Variants in SNAP91 observed in about 807,000 individuals in gnomAD.
SNAP91 encodes the protein synaptosome associated protein 91.
In SNAP91, 27 loss-of-function variants were observed where a neutral mutation model predicts 100.3. The observed-to-expected ratio is 0.27, with a 90% confidence interval of 0.20 to 0.37. SNAP91 has a LOEUF of 0.37. SNAP91 is among the 10% of genes least tolerant of loss of function. SNAP91 has a pLI of 1.00. For missense variants in SNAP91, 986 were observed against 1,123.7 expected, an observed-to-expected ratio of 0.88 and a Z score of 1.75; for synonymous variants, 404 against 398.6, an observed-to-expected ratio of 1.01 and a Z score of -0.16.
chr6:83,670,956 A>G (rs893256175), intron 2 of SNAP91, among the ~76,000 whole-genome samples: 1 of 151,974 alleles, frequency 6.6e-6, no homozygotes, highest in African/African-American at 2.4e-5. Context: ...CAAGTTTATT[A>G]TATTTTGTTC....
intron 2 of SNAP91, among the ~76,000 whole-genome samples, chr6:83,697,129 A>G (rs1318530793): frequency 2.0e-5 from 3 of 152,110 alleles, no homozygotes; most frequent in Non-Finnish European, 4.4e-5. Flanking sequence ...AAATTTTATC[A>G]CGTTAATTAA....
chr6:83,694,375 G>A (rs761221215), intron 2 of SNAP91, among the ~76,000 whole-genome samples: 1 of 152,164 alleles, frequency 6.6e-6, no homozygotes, highest in Non-Finnish European at 1.5e-5. Flanking sequence ...AGCTCTAGAT[G>A]ACAGAATTTC....
intron 2 of SNAP91, among the ~76,000 whole-genome samples, chr6:83,693,044 T>C (rs915528658): frequency 1.3e-5 from 2 of 152,276 alleles, no homozygotes; most frequent in East Asian, 1.9e-4. Flanking sequence ...TACCACCACA[T>C]TGGGCCTGAT....
At chr6:83,589,983 C>T (rs1171640036) in intron 22 of SNAP91, among the ~76,000 whole-genome samples, 2 of 152,174 alleles carry the variant, frequency 1.3e-5, no homozygotes, top group Non-Finnish European at 2.9e-5. Context: ...TCAAGGTCTA[C>T]ATGGCTAGCA....
intron 22 of SNAP91, among the ~76,000 whole-genome samples, 172 bp from the exon 23 acceptor site, chr6:83,582,528 G>A (rs1051610955): frequency 6.6e-6 from 1 of 152,132 alleles, no homozygotes; most frequent in Non-Finnish European, 1.5e-5. Flanking sequence ...ATAATATTTT[G>A]AAATCTGACA....
At chr6:83,704,214 T>C (rs1385390766) in intron 2 of SNAP91, among the ~76,000 whole-genome samples, 1 of 152,036 alleles carries the variant, frequency 6.6e-6, no homozygotes, top group East Asian at 1.9e-4. Context: ...TGCTAGCAAA[T>C]AGGTACAAAA....
chr6:83,666,048 T>G lies in SNAP91; in HGVS notation c.131-467A>C, dbSNP rs139070665. 6.8e-3 allele frequency among the ~76,000 whole-genome samples: 1,028 copies of G among 152,196 alleles called. 5 individuals carry two copies. The highest frequency in any genetic ancestry group is 0.023 in the African/African-American group (973 of 41,560). On this transcript the variant is annotated intron_variant, in intron 2 of 29. Coordinates refer to ENST00000369694, the MANE Select transcript of SNAP91 (RefSeq NM_001242792.2). Reference sequence around the variant, plus strand: ...TTTGCATTTGAACTTTGAAAGGTGCTAGTAAATACACTTGTCATATGAGTG... The same window carrying G: ...TTTGCATTTGAACTTTGAAAGGTGCGAGTAAATACACTTGTCATATGAGTG...
intron 8 of SNAP91, among the ~76,000 whole-genome samples, chr6:83,640,457 A>G (rs2097650416): frequency 6.6e-6 from 1 of 152,170 alleles, no homozygotes; most frequent in Non-Finnish European, 1.5e-5. Flanking sequence ...AAGGACTATA[A>G]TAACAATGTT....
chr6:83,622,664 G>T (rs2096776709), intron 9 of SNAP91, among the ~76,000 whole-genome samples: 1 of 150,992 alleles, frequency 6.6e-6, no homozygotes, highest in Admixed American at 6.6e-5. Flanking sequence ...CTATACCCAT[G>T]AATGACCTTG....
intron 8 of SNAP91, among the ~76,000 whole-genome samples, chr6:83,640,805 T>C (rs573416122): frequency 5.7e-4 from 87 of 152,288 alleles, no homozygotes; most frequent in African/African-American, 2.0e-3. Context: ...TTAGGTGGAA[T>C]GGAGGAATGG....
intron 2 of SNAP91, among the ~76,000 whole-genome samples, chr6:83,667,602 A>T (rs999595109): frequency 1.3e-5 from 2 of 152,008 alleles, no homozygotes; most frequent in Admixed American, 6.6e-5. Flanking sequence ...AGTGAATTTT[A>T]AAAAACTGTC....
chr6:83,657,103 T>C (rs1205294501), intron 6 of SNAP91, among the ~76,000 whole-genome samples: 1 of 152,216 alleles, frequency 6.6e-6, no homozygotes, highest in Non-Finnish European at 1.5e-5. Flanking sequence ...TATATATATA[T>C]GTGTTTATAT....
chr6:83,660,358 T>C (rs991280475), intron 5 of SNAP91, among the ~76,000 whole-genome samples: 4 of 152,186 alleles, frequency 2.6e-5, no homozygotes, highest in African/African-American at 4.8e-5. Flanking sequence ...AATAGGCAAG[T>C]TGATGTTTTT....
chr6:83,570,174 T>C (rs898616694), intron 26 of SNAP91, among the ~76,000 whole-genome samples: 3 of 152,128 alleles, frequency 2.0e-5, no homozygotes, highest in East Asian at 1.9e-4. Context: ...ATTCTTGTTA[T>C]GTTTTAGCAG....
intron 2 of SNAP91, among the ~76,000 whole-genome samples, chr6:83,682,308 G>T (rs2099001178): frequency 6.6e-6 from 1 of 151,334 alleles, no homozygotes; most frequent in Non-Finnish European, 1.5e-5. Context: ...TTCCAACTGA[G>T]TAGCTGGGAC....
Position 83,576,003 on chromosome 6 carries a change from C to A in SNAP91, c.2330+20G>T, listed in dbSNP as rs778430678. ...CAAATATACCATCAAAAGGAAATCA[C>A]ATAATTTCCAAACACTTACTTTTTT... On this transcript the variant is annotated intron_variant, in intron 25 of 29. Coordinates refer to ENST00000369694, the MANE Select transcript of SNAP91 (RefSeq NM_001242792.2). The A allele has an allele frequency of 7.4e-7, 1 of 1,357,626 alleles. No homozygotes were observed. Among genetic ancestry groups the A allele is most frequent in the Non-Finnish European group, 1.0e-6 (1 of 989,328 alleles). The allele number at this position is 1,357,626 out of a possible 1,614,324, so 84.1% of individuals were successfully genotyped here. A position where few individuals can be genotyped will look rare whatever the true frequency, so the allele number is the denominator to read the frequency against.
intron 7 of SNAP91, among the ~76,000 whole-genome samples, chr6:83,651,671 CTGGTGA>C (rs1452382418): frequency 6.6e-6 from 1 of 152,040 alleles, no homozygotes; most frequent in Non-Finnish European, 1.5e-5. Flanking sequence ...GTGGTCTCTA[CTGGTGA>C]ATGTTCTATG....
At chr6:83,666,458 T>C (rs754763007) in intron 2 of SNAP91, among the ~76,000 whole-genome samples, 7 of 152,074 alleles carry the variant, frequency 4.6e-5, no homozygotes, top group African/African-American at 1.4e-4. Context: ...TCCACACTTA[T>C]CTTGCAGAGA....
intron 28 of SNAP91, among the ~76,000 whole-genome samples, chr6:83,558,303 A>G (rs189281810): frequency 8.0e-4 from 122 of 152,360 alleles, no homozygotes; most frequent in African/African-American, 2.9e-3. Flanking sequence ...GGAAATATTT[A>G]TGATAAATGA....
Sources: allele counts gnomAD v4.1 joint callset (sites outside exome capture counted in the v4.1 genomes callset), GRCh38; gene constraint gnomAD v4.1.1; transcripts MANE v1.5; gene names NCBI Gene and HGNC (gene_info 2026-07-23, HGNC 2026-07-21).